Variants in PRKCI observed in about 807,000 individuals in gnomAD.
The protein encoded by PRKCI is protein kinase C iota type.
In PRKCI, 43 loss-of-function variants were observed where a neutral mutation model predicts 84.0. The ratio of observed to expected loss-of-function variants is 0.51; its 90% CI spans 0.40 to 0.66. PRKCI has a LOEUF of 0.66. Among genes scored for constraint, PRKCI ranks in the 30% least tolerant of loss-of-function variants. PRKCI has a pLI of 0.00. For synonymous variants in PRKCI, 216 were observed against 234.4 expected, an observed-to-expected ratio of 0.92 and a Z score of 0.72; for missense variants, 459 against 745.6, an observed-to-expected ratio of 0.62 and a Z score of 4.48.
At chr3:170,293,925 C>G (rs1734631851) in intron 14 of PRKCI, among the ~76,000 whole-genome samples, 1 of 152,144 alleles carries the variant, frequency 6.6e-6, no homozygotes, top group Non-Finnish European at 1.5e-5. Flanking sequence ...AAGTGATCTG[C>G]CCACCTCAGC....
intron 2 of PRKCI, 26 bp downstream of exon 2, chr3:170,235,377 G>T: frequency 1.2e-6 from 2 of 1,609,746 alleles, no homozygotes; most frequent in South Asian, 2.2e-5. Context: ...AGGGCTGCCT[G>T]TGTAAGCATT....
chr3:170,291,881 A>C lies in PRKCI; in HGVS notation c.1231A>C (p.Ser411Arg), dbSNP rs1560185295. 6.2e-7 allele frequency: 1 copy of C among 1,606,560 alleles called. No individual in the cohort carries two copies. The change falls in exon 13 of 18, where the codon AGC becomes CGC. Residue 411 changes from serine to arginine, a missense_variant. Transcript: ENST00000295797. ...AGGATTACGGCCAGGAGATACAACCAGCACTTTCTGTGGTACTCCTAATTA... is the reference window on the plus strand; with the variant it reads ...AGGATTACGGCCAGGAGATACAACCCGCACTTTCTGTGGTACTCCTAATTA... ...KEGLRPGDTTSTFCGTPNYIA... is the reference protein window; with the variant it reads ...KEGLRPGDTTRTFCGTPNYIA...
chr3:170,226,153 T>C (rs1300382400), intron 1 of PRKCI, among the ~76,000 whole-genome samples: 2 of 152,158 alleles, frequency 1.3e-5, no homozygotes, highest in East Asian at 1.9e-4. Flanking sequence ...CCTCAAGTGA[T>C]CCACCCACCT....
rs1282445428 is a variant in PRKCI at position 170,305,075 on chromosome 3, G to GT, written c.*1952dup. On this transcript the variant is annotated 3_prime_UTR_variant, in exon 18 of 18. Coordinates refer to ENST00000295797, the MANE Select transcript of PRKCI (RefSeq NM_002740.6). The stretch of plus-strand genomic sequence containing the variant: ...ATGTTTCTCTTAACACCTGAAACTT[G>GT]TTTTAAAACAAAAAGCAGTATTCAC... 2.0e-5 allele frequency: 3 copies of GT among 152,270 alleles called. No individual in the cohort carries two copies. Among genetic ancestry groups the GT allele is most frequent in the Admixed American group, 1.3e-4 (2 of 15,262 alleles). The allele number at this position is 152,270 out of a possible 1,614,324, so 9.4% of individuals were successfully genotyped here. A position where few individuals can be genotyped will look rare whatever the true frequency, so the allele number is the denominator to read the frequency against.
intron 2 of PRKCI, among the ~76,000 whole-genome samples, chr3:170,247,087 T>C (rs889581202): frequency 1.3e-5 from 2 of 152,112 alleles, no homozygotes; most frequent in Non-Finnish European, 2.9e-5. Context: ...TTTTGTTTTG[T>C]TTTGGAGACA....
At chr3:170,273,446 A>G (rs1040003497) in intron 7 of PRKCI, 106 bp downstream of exon 7, 20 of 1,043,370 alleles carry the variant, frequency 1.9e-5, no homozygotes, top group Middle Eastern at 2.2e-4. Context: ...CTTCTTCCCA[A>G]TTAAAAGTAA....
At chr3:170,253,363 C>G (rs1733501304) in intron 2 of PRKCI, among the ~76,000 whole-genome samples, 1 of 152,180 alleles carries the variant, frequency 6.6e-6, no homozygotes, top group Non-Finnish European at 1.5e-5. Context: ...TATTGCCTCT[C>G]TTTTGGATAA....
intron 2 of PRKCI, among the ~76,000 whole-genome samples, chr3:170,240,887 C>T (rs1458022364): frequency 1.3e-5 from 2 of 152,184 alleles, no homozygotes; most frequent in Non-Finnish European, 2.9e-5. Flanking sequence ...TGTGGAAAAA[C>T]TGGTTTGCTT....
intron 1 of PRKCI, among the ~76,000 whole-genome samples, chr3:170,227,761 A>G (rs756185343): frequency 2.0e-4 from 31 of 152,228 alleles, no homozygotes; most frequent in Non-Finnish European, 4.4e-4. Context: ...ACTTTTTCTC[A>G]TTGATGAAAA....
At chr3:170,298,110 T>C (rs1734730402) in intron 16 of PRKCI, among the ~76,000 whole-genome samples, 1 of 151,888 alleles carries the variant, frequency 6.6e-6, no homozygotes, top group Non-Finnish European at 1.5e-5. Flanking sequence ...TGACCTCAAG[T>C]GATCCACCCG....
chr3:170,300,387 A>G (rs1474367695), intron 17 of PRKCI, among the ~76,000 whole-genome samples: 2 of 151,886 alleles, frequency 1.3e-5, no homozygotes, highest in East Asian at 3.9e-4. Flanking sequence ...TGTCCCTGCT[A>G]TTTTCCTAGA....
In PRKCI at chr3:170,222,526, G is replaced by T; in HGVS notation, c.-144G>T. On this transcript the variant is annotated 5_prime_UTR_variant, in exon 1 of 18. Transcript: ENST00000295797. ...CGGCTGCTCCGGCGAGGCGACCCTTGGGTCGGCGCTGCGGGCGAGGTGGGC... is the reference window on the plus strand; with the variant it reads ...CGGCTGCTCCGGCGAGGCGACCCTTTGGTCGGCGCTGCGGGCGAGGTGGGC... 5 of 672,820 alleles carry T rather than the reference G, an allele frequency of 7.4e-6. No homozygotes were observed. Among genetic ancestry groups the T allele is most frequent in the Non-Finnish European group, 1.1e-5 (5 of 438,664 alleles). 41.7% of individuals were successfully genotyped at this position (672,820 alleles called of 1,614,324 possible). A position where few individuals can be genotyped will look rare whatever the true frequency, so the allele number is the denominator to read the frequency against.
intron 5 of PRKCI, among the ~76,000 whole-genome samples, chr3:170,269,958 CAAA>C (rs550260990): frequency 7.5e-6 from 1 of 132,756 alleles, no homozygotes; most frequent in Non-Finnish European, 1.6e-5. Context: ...AACTCTGTCT[CAAA>C]AAAAAAAAAG....
rs572300324 is a variant in PRKCI at position 170,254,938 on chromosome 3, A to C, written c.224-5031A>C. ...TAGTATGGACATTTTAACAGTATTGATTCTTCCAATCCATGAACATGGAAT... is the reference window on the plus strand; with the variant it reads ...TAGTATGGACATTTTAACAGTATTGCTTCTTCCAATCCATGAACATGGAAT... On this transcript the variant is annotated intron_variant, in intron 2 of 17. Transcript: ENST00000295797. 1.2e-4 allele frequency among the ~76,000 whole-genome samples: 16 copies of C among 138,320 alleles called. No homozygotes were observed. The South Asian group carries it at 3.4e-3, about 30-fold the overall frequency. The allele number at this position is 138,320 out of a possible 152,430, so 90.7% of individuals were successfully genotyped here. A position where few individuals can be genotyped will look rare whatever the true frequency, so the allele number is the denominator to read the frequency against.
chr3:170,254,730 G>A (rs1214384998), intron 2 of PRKCI, among the ~76,000 whole-genome samples: 1 of 152,094 alleles, frequency 6.6e-6, no homozygotes, highest in Non-Finnish European at 1.5e-5. Flanking sequence ...ACTACAGTTT[G>A]TAGTATAATT....
rs1560166809 is a variant in PRKCI at position 170,235,326 on chromosome 3, C to T, written c.198C>T (p.Phe66=). 5 of 1,614,090 alleles carry T rather than the reference C, an allele frequency of 3.1e-6. No homozygotes were observed. The highest frequency in any genetic ancestry group is 4.2e-6 in the Non-Finnish European group (5 of 1,179,986). ...DMCSFDNEQL[F]TMKWIDEEGD... is the part of the protein sequence containing the mutation. ...GTTCTTTTGACAACGAACAGCTCTT[C>T]ACCATGAAATGGATAGATGAGGAAG... is the stretch of plus-strand genomic sequence containing the variant. The change falls in exon 2 of 18, where the codon TTC becomes TTT. Residue 66 remains phenylalanine, a synonymous_variant. Coordinates refer to ENST00000295797, the MANE Select transcript of PRKCI (RefSeq NM_002740.6).
At chr3:170,262,216 T>C (rs1234538957) in intron 3 of PRKCI, among the ~76,000 whole-genome samples, 1 of 152,226 alleles carries the variant, frequency 6.6e-6, no homozygotes, top group Non-Finnish European at 1.5e-5. Context: ...ATTTACATTT[T>C]TGATTTTGGT....
intron 4 of PRKCI, among the ~76,000 whole-genome samples, chr3:170,266,036 T>G (rs536376693): frequency 3.3e-5 from 5 of 152,310 alleles, no homozygotes; most frequent in Admixed American, 3.3e-4. Flanking sequence ...CTTTAAAATA[T>G]GACTTTGGGA....
At chr3:170,249,755 C>A (rs1197764088) in intron 2 of PRKCI, among the ~76,000 whole-genome samples, 2 of 151,260 alleles carry the variant, frequency 1.3e-5, no homozygotes, top group Non-Finnish European at 2.9e-5. Flanking sequence ...CAAGATCATG[C>A]CACTGCATTC....
Sources: allele counts gnomAD v4.1 joint callset (sites outside exome capture counted in the v4.1 genomes callset), GRCh38; gene constraint gnomAD v4.1.1; transcripts MANE v1.5; gene names NCBI Gene and HGNC (gene_info 2026-07-23, HGNC 2026-07-21).